COQ2: variants seen among roughly 807,000 people sequenced by gnomAD.
COQ2 encodes 4-hydroxybenzoate polyprenyltransferase, mitochondrial.
In COQ2, 25 loss-of-function variants were observed where a neutral mutation model predicts 35.7. That is an observed-to-expected ratio of 0.70 (90% confidence interval 0.51 to 0.98). The LOEUF (loss-of-function observed/expected upper bound fraction) is 0.98, where lower values mean the gene tolerates loss of function less well. Among genes scored for constraint, COQ2 ranks in the 50% least tolerant of loss-of-function variants. The pLI, the probability that COQ2 is intolerant of heterozygous loss-of-function variation, is 0.00. For missense variants in COQ2, 488 were observed against 473.5 expected (o/e 1.03, Z -0.28); for synonymous variants, 206 against 186.2 (o/e 1.11, Z -0.86).
intron 6 of COQ2, among the ~76,000 whole-genome samples, 196 bp downstream of exon 6, chr4:83,267,390 A>T (rs772766507): frequency 6.0e-4 from 92 of 152,286 alleles, no homozygotes; most frequent in African/African-American, 2.0e-3. Flanking sequence ...AAAAAAATTT[A>T]AAAATAAAAT....
At position 83,267,626 on chromosome 4, in the gene COQ2, T is replaced by A. The variant is rs551429497; in HGVS notation, c.911A>T (p.Tyr304Phe). 6.3e-7 allele frequency: 1 copy of A among 1,586,372 alleles called. No individual in the cohort carries two copies. The highest frequency in any genetic ancestry group is 8.6e-7 in the Non-Finnish European group (1 of 1,166,430). The change falls in exon 6 of 7, where the codon TAC becomes TTC. Residue 304 changes from tyrosine (Y) to phenylalanine (F), a missense_variant. By Grantham distance (22) the Tyr-to-Phe change is conservative. Transcript: ENST00000647002. Reference sequence around the variant, plus strand: ...GGCTCCTACAGCACCCAGGGCAGCGTAGTAGGGAGCAGTCTGTCCACTGTT... The same window carrying A: ...GGCTCCTACAGCACCCAGGGCAGCGAAGTAGGGAGCAGTCTGTCCACTGTT... ...GVNSGQTAPYYAALGAVGAHL... is the reference protein window; with the variant it reads ...GVNSGQTAPYFAALGAVGAHL...
At position 83,284,125 on chromosome 4, in the gene COQ2, G is replaced by A. The variant is rs112599749; in HGVS notation, c.253+387C>T. 5,369 of 985,440 alleles carry A rather than the reference G, an allele frequency of 5.4e-3. 226 individuals carry two copies. The African/African-American group carries it at 0.083, about 15-fold the overall frequency. 61.0% of individuals were successfully genotyped at this position (985,440 alleles called of 1,614,324 possible). ...AGGATCAAACATTCTAATAAATGAAGGAGGGCCACGAGAACGGAACCTTCC... is the reference window on the plus strand; with the variant it reads ...AGGATCAAACATTCTAATAAATGAAAGAGGGCCACGAGAACGGAACCTTCC... On this transcript the variant is annotated intron_variant, in intron 1 of 6. Transcript: ENST00000647002.
At chr4:83,280,986 C>T (rs1735307051) in intron 1 of COQ2, among the ~76,000 whole-genome samples, 1 of 152,190 alleles carries the variant, frequency 6.6e-6, no homozygotes, top group South Asian at 2.1e-4. Flanking sequence ...GAGACAGGGT[C>T]TCGCTCTCTT....
chr4:83,284,817 T>G (rs1357450602), upstream of COQ2: 2 of 1,566,742 alleles, frequency 1.3e-6, no homozygotes, highest in Non-Finnish European at 1.7e-6. Flanking sequence ...CCGGCAGGCA[T>G]GCGCAGTGGC....
At chr4:83,284,892 C>A, upstream of COQ2, 2 of 1,522,406 alleles carry the variant, frequency 1.3e-6, no homozygotes, top group Non-Finnish European at 1.8e-6. Context: ...TTTCCTCATC[C>A]TTACTTGTGA....
At chr4:83,265,425 A>G (rs1047979295) in intron 6 of COQ2, among the ~76,000 whole-genome samples, 1 of 151,930 alleles carries the variant, frequency 6.6e-6, no homozygotes, top group African/African-American at 2.4e-5. Context: ...TACAAAAATG[A>G]GCTGGGCATG....
At chr4:83,271,854 G>C (rs1335964486) in intron 4 of COQ2, among the ~76,000 whole-genome samples, 3 of 151,954 alleles carry the variant, frequency 2.0e-5, no homozygotes, top group Non-Finnish European at 4.4e-5. Context: ...GGGAGCAGTG[G>C]GGGAGAGAGG....
intron 6 of COQ2, among the ~76,000 whole-genome samples, chr4:83,265,786 T>G (rs374475628): frequency 6.6e-6 from 1 of 151,884 alleles, no homozygotes; most frequent in African/African-American, 2.4e-5. Flanking sequence ...TGCCTCAGCC[T>G]CTCGAGTGGC....
chr4:83,267,327 T>A, intron 6 of COQ2: 4 of 423,556 alleles, frequency 9.4e-6, no homozygotes, highest in Non-Finnish European at 1.3e-5. Context: ...CAGTGAGCTG[T>A]GATTGCACCA....
In COQ2 at chr4:83,269,946, C is replaced by T. The variant is rs553681443; in HGVS notation, c.676G>A (p.Gly226Ser). Residue 226 changes from glycine (G) to serine (S), a missense_variant, in exon 5 of 7, where the codon GGT becomes AGT. Gly to Ser is a moderately conservative substitution (Grantham distance 56). Coordinates refer to ENST00000647002, the MANE Select transcript of COQ2 (RefSeq NM_001358921.2). ...AGGCAAACAGATGGATCACAGGAAC[C>T]CTTGATAGCAGACCATCCAAGTAAC... ...GALLGWSAIK[G>S]SCDPSVCLPL... The T allele has an allele frequency of 3.7e-6, 6 of 1,613,422 alleles. No individual in the cohort carries two copies. The highest frequency in any genetic ancestry group is 5.1e-6 in the Non-Finnish European group (6 of 1,179,676).
Position 83,284,606 on chromosome 4 carries a change from C to G in COQ2, c.159G>C (p.Gly53=). 2 of 1,535,324 alleles carry G rather than the reference C, an allele frequency of 1.3e-6. No individual in the cohort carries two copies. The highest frequency in any genetic ancestry group is 1.8e-6 in the Non-Finnish European group (2 of 1,141,950). Residue 53 remains glycine (G), a synonymous_variant, in exon 1 of 7, where the codon GGG becomes GGC. Coordinates refer to ENST00000647002, the MANE Select transcript of COQ2 (RefSeq NM_001358921.2). The part of the protein sequence containing the change: ...LQPPACPEPR[G]RQLSLSAAAV... ...CCGCCGCGGACAAACTGAGCTGGCGCCCGCGCGGCTCGGGACAGGCGGGGG... is the reference window on the plus strand; with the variant it reads ...CCGCCGCGGACAAACTGAGCTGGCGGCCGCGCGGCTCGGGACAGGCGGGGG...
intron 4 of COQ2, among the ~76,000 whole-genome samples, 164 bp from the exon 5 acceptor site, chr4:83,270,157 T>A (rs1735013014): frequency 6.6e-6 from 1 of 151,048 alleles, no homozygotes; most frequent in South Asian, 2.1e-4. Context: ...TCGGTGGTAC[T>A]TATTAGCTCC....
chr4:83,273,980 CAAAAAAAAAAAAA>C (rs967781699), intron 2 of COQ2, among the ~76,000 whole-genome samples: 1 of 29,056 alleles, frequency 3.4e-5, no homozygotes, highest in Non-Finnish European at 6.9e-5. Context: ...GCTGTCTCTA[CAAAAAAAAAAAAA>C]AAAAAAAAAA....
chr4:83,272,082 C>G lies in COQ2; in HGVS notation c.628+5G>C. 1 of 1,583,216 alleles carries G rather than the reference C, an allele frequency of 6.3e-7. No homozygotes were observed. Among genetic ancestry groups the G allele is most frequent in the Non-Finnish European group, 8.6e-7 (1 of 1,159,278 alleles). ...AGGAAATACTTTTAGTTATTGTAAG[C>G]TCACCCAAGGCTAGTTGAGGCCAGT... is the stretch of plus-strand genomic sequence containing the variant. On this transcript the variant is annotated splice_donor_5th_base_variant and intron_variant, in intron 4 of 6. Coordinates refer to ENST00000647002, the MANE Select transcript of COQ2 (RefSeq NM_001358921.2).
chr4:83,267,760 A>G lies in COQ2; in HGVS notation c.777T>C (p.Asp259=), dbSNP rs1255890411. 6.5e-7 allele frequency: 1 copy of G among 1,549,334 alleles called. No individual in the cohort carries two copies. Among genetic ancestry groups the G allele is most frequent in the Non-Finnish European group, 8.7e-7 (1 of 1,146,260 alleles). Reference sequence around the variant, plus strand: ...CCGTTGACTTAAGACCAATCAAAACATCATCTCTTTTGTCCTAATATCAGA... The same window carrying G: ...CCGTTGACTTAAGACCAATCAAAACGTCATCTCTTTTGTCCTAATATCAGA... The part of the protein sequence containing the change: ...TIYAHQDKRD[D]VLIGLKSTAL... Residue 259 remains aspartate, a synonymous_variant, in exon 6 of 7, where the codon GAT becomes GAC. Transcript: ENST00000647002.
At chr4:83,272,263 T>C (rs1735067525) in intron 3 of COQ2, 91 bp from the exon 4 acceptor site, 4 of 615,596 alleles carry the variant, frequency 6.5e-6, no homozygotes, top group Non-Finnish European at 1.1e-5. Flanking sequence ...GTAATACTAA[T>C]TGGAAAATAT....
chr4:83,265,982 T>G (rs1734909880), intron 6 of COQ2, among the ~76,000 whole-genome samples: 1 of 152,176 alleles, frequency 6.6e-6, no homozygotes, highest in Non-Finnish European at 1.5e-5. Context: ...CCTTATAGTA[T>G]TTGTGATTGT....
intron 3 of COQ2, among the ~76,000 whole-genome samples, chr4:83,273,163 C>T (rs939296513): frequency 1.9e-4 from 19 of 99,566 alleles, no homozygotes; most frequent in African/African-American, 7.4e-4. Context: ...ATACTGTCAA[C>T]ATAAATAAAA....
At position 83,273,513 on chromosome 4, in the gene COQ2, C is replaced by A; in HGVS notation, c.525G>T (p.Leu175=). 1.9e-6 allele frequency: 3 copies of A among 1,613,282 alleles called. No individual in the cohort carries two copies. Among genetic ancestry groups the A allele is most frequent in the Non-Finnish European group, 2.5e-6 (3 of 1,179,574 alleles). ...TAATATACCTGTAGTAATTTAGACA[C>A]AGAAGAACACCCAGTGCCAGGGTTA... The part of the protein sequence containing the change: ...GQLTLALGVL[L]CLNYYSIALG... Residue 175 remains leucine (L), a synonymous_variant, in exon 3 of 7, where the codon CTG becomes CTT. Coordinates refer to ENST00000647002, the MANE Select transcript of COQ2 (RefSeq NM_001358921.2).
Sources: gnomAD v4.1 joint callset for allele counts (sites outside exome capture counted in the v4.1 genomes callset) on GRCh38, gnomAD v4.1.1 for gene constraint, MANE v1.5 for transcripts, NCBI Gene and HGNC (gene_info 2026-07-23, HGNC 2026-07-21) for gene names.